Variants in SLC7A14 observed in about 807,000 individuals in gnomAD.
SLC7A14 encodes gamma-aminobutyric acid transporter SLC7A14.
A neutral mutation model predicts 60.2 loss-of-function variants in SLC7A14; 37 were observed. The ratio of observed to expected loss-of-function variants is 0.61; its 90% CI spans 0.47 to 0.81. SLC7A14 has a LOEUF of 0.81. SLC7A14 is among the 30% of genes least tolerant of loss of function. The pLI is 0.00. For synonymous variants in SLC7A14, 399 were observed against 395.8 expected, an observed-to-expected ratio of 1.01 and a Z score of -0.10; for missense variants, 886 against 982.7, an observed-to-expected ratio of 0.90 and a Z score of 1.32.
chr3:170,569,926 G>A lies in SLC7A14; in HGVS notation c.-153+15985C>T, dbSNP rs141827619. On this transcript the variant is annotated intron_variant, in intron 1 of 7. Coordinates refer to ENST00000231706, the MANE Select transcript of SLC7A14 (RefSeq NM_020949.3). The stretch of plus-strand genomic sequence containing the variant: ...TTTCTTCTTTATTAGTCTTGCTAGC[G>A]GTCTATCAATTTTGTTGATCCTTTC... Among the ~76,000 whole-genome samples, 556 of 151,924 alleles carry A rather than the reference G, an allele frequency of 3.7e-3. 3 individuals are homozygous for A. The highest frequency in any genetic ancestry group is 6.8e-3 in the Middle Eastern group (2 of 294).
At chr3:170,506,054 T>C (rs1339664215) in intron 2 of SLC7A14, among the ~76,000 whole-genome samples, 1 of 152,242 alleles carries the variant, frequency 6.6e-6, no homozygotes. Flanking sequence ...GGGAGAGGCA[T>C]ATTGATTTCA....
intron 7 of SLC7A14, among the ~76,000 whole-genome samples, chr3:170,473,783 T>G (rs1711518720): frequency 6.6e-6 from 1 of 152,124 alleles, no homozygotes; most frequent in African/African-American, 2.4e-5. Context: ...AGGCTTAGGA[T>G]GAAGTTGGGC....
chr3:170,512,324 AG>A (rs1435881684), intron 2 of SLC7A14, among the ~76,000 whole-genome samples: 1 of 152,098 alleles, frequency 6.6e-6, no homozygotes, highest in Non-Finnish European at 1.5e-5. Flanking sequence ...ATGACTAGGG[AG>A]GGGGAGCCAC....
intron 1 of SLC7A14, among the ~76,000 whole-genome samples, chr3:170,583,858 G>A (rs1477957871): frequency 6.6e-6 from 1 of 152,198 alleles, no homozygotes; most frequent in African/African-American, 2.4e-5. Flanking sequence ...GACAGTGAGT[G>A]GGTGAACGGA....
intron 4 of SLC7A14, among the ~76,000 whole-genome samples, chr3:170,498,309 C>A (rs924134067): frequency 2.0e-5 from 3 of 152,120 alleles, no homozygotes; most frequent in African/African-American, 7.2e-5. Flanking sequence ...GAGTTTTTTT[C>A]ATCTTTAAGA....
At chr3:170,485,895 C>A (rs1577504281) in intron 5 of SLC7A14, among the ~76,000 whole-genome samples, 1 of 152,190 alleles carries the variant, frequency 6.6e-6, no homozygotes, top group East Asian at 1.9e-4. Flanking sequence ...TGCACATCCA[C>A]CCGTTACTGC....
At chr3:170,557,790 G>T (rs1714528369) in intron 1 of SLC7A14, among the ~76,000 whole-genome samples, 1 of 152,236 alleles carries the variant, frequency 6.6e-6, no homozygotes, top group Admixed American at 6.5e-5. Flanking sequence ...GAAAATGCAG[G>T]GTATATAGTA....
chr3:170,544,959 T>G (rs1174253008), intron 1 of SLC7A14, among the ~76,000 whole-genome samples: 5 of 152,230 alleles, frequency 3.3e-5, no homozygotes, highest in Non-Finnish European at 7.3e-5. Flanking sequence ...CTGTGCGGTC[T>G]AATACAGTGG....
intron 1 of SLC7A14, among the ~76,000 whole-genome samples, chr3:170,562,238 G>A (rs1577564385): frequency 6.6e-6 from 1 of 152,076 alleles, no homozygotes; most frequent in East Asian, 1.9e-4. Context: ...TTTGGAACCA[G>A]CCCAAATACC....
At chr3:170,541,187 C>T (rs1381394361) in intron 1 of SLC7A14, among the ~76,000 whole-genome samples, 1 of 152,202 alleles carries the variant, frequency 6.6e-6, no homozygotes, top group Non-Finnish European at 1.5e-5. Context: ...TGTAATATTA[C>T]TCACAGTGGT....
chr3:170,487,366 T>G (rs575129836), intron 4 of SLC7A14, among the ~76,000 whole-genome samples: 1 of 151,872 alleles, frequency 6.6e-6, no homozygotes, highest in Admixed American at 6.6e-5. Context: ...CTTTGAATGC[T>G]TAGGGACGTC....
Position 170,466,947 on chromosome 3 carries a change from G to T in SLC7A14, c.*108C>A. ...GCTATGACTAGGGATTGAATTTGGGGAAGGCTGGATTTGTGAAATGAGAGC... is the reference window on the plus strand; with the variant it reads ...GCTATGACTAGGGATTGAATTTGGGTAAGGCTGGATTTGTGAAATGAGAGC... On this transcript the variant is annotated 3_prime_UTR_variant, in exon 8 of 8. Coordinates refer to ENST00000231706, the MANE Select transcript of SLC7A14 (RefSeq NM_020949.3). 1.1e-6 allele frequency: 1 copy of T among 927,928 alleles called. No homozygotes were observed. Among genetic ancestry groups the T allele is most frequent in the Non-Finnish European group, 1.6e-6 (1 of 610,704 alleles). 57.5% of individuals were successfully genotyped at this position (927,928 alleles called of 1,614,324 possible). A position where few individuals can be genotyped will look rare whatever the true frequency, so the allele number is the denominator to read the frequency against.
chr3:170,539,988 A>G (rs1456234676), intron 1 of SLC7A14, among the ~76,000 whole-genome samples: 1 of 152,234 alleles, frequency 6.6e-6, no homozygotes, highest in Non-Finnish European at 1.5e-5. Context: ...GATGACTTGA[A>G]TACAAGCCCT....
intron 1 of SLC7A14, among the ~76,000 whole-genome samples, chr3:170,568,157 C>CT (rs1714845813): frequency 6.6e-6 from 1 of 152,114 alleles, no homozygotes; most frequent in Admixed American, 6.5e-5. Context: ...ACATTTAAGT[C>CT]TTTAATCCAT....
chr3:170,486,453 C>T, intron 4 of SLC7A14, 85 bp from the exon 5 acceptor site: 2 of 1,558,560 alleles, frequency 1.3e-6, no homozygotes, highest in Non-Finnish European at 1.8e-6. Context: ...TGCTCTATGC[C>T]CTGCAGACAT....
chr3:170,548,966 G>C (rs1714257339), intron 1 of SLC7A14, among the ~76,000 whole-genome samples: 1 of 152,186 alleles, frequency 6.6e-6, no homozygotes. Context: ...TGTGGGCACT[G>C]TAGTGTCCCT....
At chr3:170,558,841 CT>C (rs1488349226) in intron 1 of SLC7A14, among the ~76,000 whole-genome samples, 9 of 152,156 alleles carry the variant, frequency 5.9e-5, no homozygotes, top group Non-Finnish European at 1.3e-4. Flanking sequence ...ATAAAAATGG[CT>C]TGTTTAAGCT....
At chr3:170,499,963 T>A (rs1712550571) in intron 3 of SLC7A14, among the ~76,000 whole-genome samples, 1 of 152,226 alleles carries the variant, frequency 6.6e-6, no homozygotes, top group Non-Finnish European at 1.5e-5. Flanking sequence ...AGGTTTGTTC[T>A]TTATATTTTT....
At chr3:170,471,243 C>A (rs564376345) in intron 7 of SLC7A14, among the ~76,000 whole-genome samples, 8 of 152,306 alleles carry the variant, frequency 5.3e-5, no homozygotes, top group African/African-American at 1.9e-4. Context: ...CAGGTCTCCC[C>A]ATGCCCTAAT....
Sources: gnomAD v4.1 joint callset for allele counts (sites outside exome capture counted in the v4.1 genomes callset) on GRCh38, gnomAD v4.1.1 for gene constraint, MANE v1.5 for transcripts, NCBI Gene and HGNC (gene_info 2026-07-23, HGNC 2026-07-21) for gene names.